PPARD: variants seen among roughly 807,000 people sequenced by gnomAD.
PPARD encodes peroxisome proliferator activated receptor delta, also known as peroxisome proliferator-activated receptor delta.
Under a neutral mutation model 39.5 loss-of-function variants are expected in PPARD, and 6 were observed. The observed-to-expected ratio is 0.15, with a 90% CI of 0.08 to 0.30. PPARD has a LOEUF of 0.30. Ranked by LOEUF, PPARD falls within the 10% of genes least tolerant of loss-of-function variation. PPARD has a pLI of 1.00. For synonymous variants in PPARD, 210 were observed against 231.3 expected, an observed-to-expected ratio of 0.91 and a Z score of 0.83; for missense variants, 397 against 596.8, an observed-to-expected ratio of 0.67 and a Z score of 3.49.
rs1766415524 is a variant in PPARD, at chr6:35,424,207, T to C, written c.627+59T>C. Reference sequence around the variant, plus strand: ...CTGGGCTCTGGGTCCCACTGCCGCCTGCCTGACTCCGGGAGAGCCAGGCCT... The same window carrying C: ...CTGGGCTCTGGGTCCCACTGCCGCCCGCCTGACTCCGGGAGAGCCAGGCCT... On this transcript the variant is annotated intron_variant, in intron 6 of 7. Coordinates refer to ENST00000360694, the MANE Select transcript of PPARD (RefSeq NM_006238.5). The surrounding 1 kb of genome is among the most constrained non-coding windows in gnomAD (Gnocchi z 7.1). 7 of 1,601,840 alleles carry C rather than the reference T, an allele frequency of 4.4e-6. No individual in the cohort carries two copies. Among genetic ancestry groups the C allele is most frequent in the Middle Eastern group, 3.3e-4 (2 of 6,040 alleles).
intron 3 of PPARD, among the ~76,000 whole-genome samples, chr6:35,419,101 C>T (rs1171952045): frequency 6.6e-6 from 1 of 152,162 alleles, no homozygotes; most frequent in Non-Finnish European, 1.5e-5. Context: ...GCTTCGGTCC[C>T]CCAACATCCC....
At chr6:35,355,936 A>T (rs1761588132) in intron 2 of PPARD, among the ~76,000 whole-genome samples, 1 of 151,000 alleles carries the variant, frequency 6.6e-6, no homozygotes, top group Non-Finnish European at 1.5e-5. Flanking sequence ...TTTTTTTTTT[A>T]ATCGGGCAGC....
intron 2 of PPARD, among the ~76,000 whole-genome samples, chr6:35,388,879 C>A (rs1763838548): frequency 6.6e-6 from 1 of 152,216 alleles, no homozygotes; most frequent in African/African-American, 2.4e-5. Context: ...ATCTAAATGC[C>A]TGCTGCGTGC....
intron 2 of PPARD, among the ~76,000 whole-genome samples, chr6:35,396,502 C>T (rs1268692400): frequency 1.4e-5 from 2 of 145,952 alleles, no homozygotes; most frequent in African/African-American, 5.2e-5. Context: ...CCGCGCCTAG[C>T]CCTATTTCTT....
At chr6:35,352,875 T>C (rs1048591291) in intron 2 of PPARD, among the ~76,000 whole-genome samples, 1 of 152,206 alleles carries the variant, frequency 6.6e-6, no homozygotes, top group African/African-American at 2.4e-5. Context: ...ATGTTTCTCA[T>C]GTCCTAGCCT....
chr6:35,386,315 A>ATTTTTT (rs751089075), intron 2 of PPARD, among the ~76,000 whole-genome samples: 2 of 120,420 alleles, frequency 1.7e-5, no homozygotes, highest in African/African-American at 2.9e-5. Flanking sequence ...CACCTCTACA[A>ATTTTTT]TTTTTTTTTT....
intron 2 of PPARD, among the ~76,000 whole-genome samples, chr6:35,364,219 A>G (rs766359578): frequency 3.0e-4 from 45 of 152,146 alleles, no homozygotes; most frequent in Admixed American, 5.9e-4. Flanking sequence ...GTTGTAGCAT[A>G]TAATAGTACT....
intron 2 of PPARD, among the ~76,000 whole-genome samples, chr6:35,395,061 G>A (rs977025985): frequency 6.6e-6 from 1 of 152,114 alleles, no homozygotes; most frequent in African/African-American, 2.4e-5. Context: ...TCTCTCCACT[G>A]TAGCCCACTT....
At chr6:35,355,940 G>A (rs923442973) in intron 2 of PPARD, among the ~76,000 whole-genome samples, 5 of 150,340 alleles carry the variant, frequency 3.3e-5, no homozygotes, top group African/African-American at 4.9e-5. Context: ...TTTTTTAATC[G>A]GGCAGCCCTC....
In PPARD at chr6:35,346,101, G is replaced by A. The variant is rs545348608; in HGVS notation, c.-185-966G>A. Among the ~76,000 whole-genome samples the A allele has an allele frequency of 6.8e-4, 103 of 151,984 alleles. 1 individual carries two copies. The highest frequency in any genetic ancestry group is 3.4e-3 in the Middle Eastern group (1 of 294). On this transcript the variant is annotated intron_variant, in intron 1 of 7. Coordinates refer to ENST00000360694, the MANE Select transcript of PPARD (RefSeq NM_006238.5). ...TCACCGTGTTAGTCGAGATGGTCTCGATTTCCTGACCTCGTGATCTGCCCG... is the reference window on the plus strand; with the variant it reads ...TCACCGTGTTAGTCGAGATGGTCTCAATTTCCTGACCTCGTGATCTGCCCG...
intron 2 of PPARD, among the ~76,000 whole-genome samples, chr6:35,355,687 C>T (rs1425144393): frequency 1.5e-5 from 2 of 130,298 alleles, no homozygotes; most frequent in Non-Finnish European, 3.1e-5. Flanking sequence ...TCTCGGCTCA[C>T]TGCAAGCTCC....
intron 2 of PPARD, among the ~76,000 whole-genome samples, chr6:35,382,212 G>A (rs978859893): frequency 3.3e-5 from 5 of 152,148 alleles, no homozygotes; most frequent in East Asian, 1.9e-4. Context: ...AAGTCCCAGG[G>A]CCATTAGGCA....
intron 2 of PPARD, among the ~76,000 whole-genome samples, chr6:35,380,939 C>G (rs898050424): frequency 2.0e-5 from 3 of 152,208 alleles, no homozygotes; most frequent in Non-Finnish European, 4.4e-5. Flanking sequence ...GCTGCTGCAG[C>G]ACACTTCTCT....
chr6:35,414,069 G>A (rs889356973), intron 3 of PPARD, among the ~76,000 whole-genome samples: 2 of 152,134 alleles, frequency 1.3e-5, no homozygotes, highest in African/African-American at 4.8e-5. Flanking sequence ...TCCCATGCCA[G>A]CTTATTTACT....
At chr6:35,351,861 CT>C (rs774957372) in intron 2 of PPARD, among the ~76,000 whole-genome samples, 1,242 of 87,346 alleles carry the variant, frequency 0.014, 4 homozygotes, top group African/African-American at 0.037. Flanking sequence ...CACACCCAGC[CT>C]TTTTTTTTTT....
intron 2 of PPARD, among the ~76,000 whole-genome samples, chr6:35,380,459 G>GTTTTTTTTTTGT (rs1763068630): frequency 4.1e-5 from 4 of 97,114 alleles, no homozygotes; most frequent in African/African-American, 1.0e-4. Context: ...TTAACCTCGT[G>GTTTTTTTTTTGT]TTTTTTTTTT....
chr6:35,421,314 T>G (rs972636703), intron 4 of PPARD, among the ~76,000 whole-genome samples: 1 of 76,570 alleles, frequency 1.3e-5, no homozygotes, highest in African/African-American at 3.1e-5. Flanking sequence ...GTTGTGTTTT[T>G]TTTTTGTTTT....
chr6:35,377,571 C>A (rs1346773872), intron 2 of PPARD, among the ~76,000 whole-genome samples: 1 of 152,164 alleles, frequency 6.6e-6, no homozygotes, highest in Non-Finnish European at 1.5e-5. Context: ...CCTGTCTTTT[C>A]ATAAGGTATG....
chr6:35,422,072 C>A, intron 5 of PPARD, 114 bp downstream of exon 5: 1 of 1,266,050 alleles, frequency 7.9e-7, no homozygotes, highest in Non-Finnish European at 1.0e-6. Context: ...GTGCCTGGCG[C>A]ACAGTAAGCA....
Sources: gnomAD v4.1 joint callset for allele counts (sites outside exome capture counted in the v4.1 genomes callset) on GRCh38, gnomAD v4.1.1 for gene constraint, Gnocchi (gnomAD v3.1) non-coding constraint, MANE v1.5 for transcripts, NCBI Gene and HGNC (gene_info 2026-07-23, HGNC 2026-07-21) for gene names.